TBC1D1: variants seen among roughly 807,000 people sequenced by gnomAD.
TBC1D1 encodes TBC1 domain family member 1.
In TBC1D1, 89 loss-of-function variants were observed where a neutral mutation model predicts 125.6. That is an observed-to-expected ratio of 0.71 (90% CI 0.60 to 0.85). The LOEUF (loss-of-function observed/expected upper bound fraction) is 0.85, where lower values mean the gene tolerates loss of function less well. TBC1D1 is among the 40% of genes least tolerant of loss of function. The pLI is 0.00. For missense variants in TBC1D1, 1,377 were observed against 1,469.2 expected (o/e 0.94, Z 1.03); for synonymous variants, 565 against 564.1 (o/e 1.00, Z -0.02).
At chr4:38,053,704 A>G (rs2152485816) in intron 11 of TBC1D1, among the ~76,000 whole-genome samples, 1 of 152,394 alleles carries the variant, frequency 6.6e-6, no homozygotes, top group East Asian at 1.9e-4. Context: ...CGTTAAAACA[A>G]TTATCATCAT....
intron 2 of TBC1D1, among the ~76,000 whole-genome samples, chr4:37,950,644 T>C (rs978077686): frequency 6.3e-5 from 8 of 125,994 alleles, no homozygotes; most frequent in African/African-American, 2.1e-4. Context: ...TTTGTTACAA[T>C]TGATGAACCA....
intron 2 of TBC1D1, chr4:38,007,127 G>A (rs1004038023): frequency 1.7e-5 from 4 of 238,626 alleles, no homozygotes; most frequent in Admixed American, 1.3e-4. Context: ...CAAGGAACTG[G>A]AGTCCCTGGA....
At chr4:38,128,330 C>G (rs905896828) in intron 18 of TBC1D1, among the ~76,000 whole-genome samples, 15 of 152,186 alleles carry the variant, frequency 9.9e-5, no homozygotes, top group Non-Finnish European at 4.4e-5. Flanking sequence ...TGCTTTCCTA[C>G]TGCCCCCTCC....
intron 14 of TBC1D1, among the ~76,000 whole-genome samples, chr4:38,101,584 G>A (rs1238055376): frequency 6.6e-6 from 1 of 152,156 alleles, no homozygotes. Context: ...TCTGTTTTTA[G>A]AGCTTTGTTG....
chr4:37,916,167 C>G (rs540051357), intron 2 of TBC1D1, among the ~76,000 whole-genome samples: 1 of 152,188 alleles, frequency 6.6e-6, no homozygotes, highest in South Asian at 2.1e-4. Context: ...TCCCCTGACT[C>G]CCATCTCCTA....
intron 2 of TBC1D1, among the ~76,000 whole-genome samples, chr4:37,907,614 G>A (rs962205753): frequency 6.6e-6 from 1 of 152,132 alleles, no homozygotes; most frequent in Admixed American, 6.5e-5. Flanking sequence ...ATAAGGTCCT[G>A]GGTTAAAATG....
chr4:37,933,762 C>T (rs540671027), intron 2 of TBC1D1, among the ~76,000 whole-genome samples: 2 of 152,012 alleles, frequency 1.3e-5, no homozygotes, highest in African/African-American at 2.4e-5. Flanking sequence ...CCGTACTGAT[C>T]GGAATCACCA....
At chr4:37,899,652 C>T (rs1349308841) in intron 1 of TBC1D1, among the ~76,000 whole-genome samples, 1 of 152,178 alleles carries the variant, frequency 6.6e-6, no homozygotes, top group Non-Finnish European at 1.5e-5. Context: ...CAGCTGCTGT[C>T]ATCAGCAGCA....
chr4:37,928,273 T>G (rs1722525648), intron 2 of TBC1D1, among the ~76,000 whole-genome samples: 1 of 152,240 alleles, frequency 6.6e-6, no homozygotes, highest in South Asian at 2.1e-4. Context: ...AGGATGCATT[T>G]TATAATATGG....
chr4:37,930,977 A>G (rs1448208581), intron 2 of TBC1D1, among the ~76,000 whole-genome samples: 1 of 152,232 alleles, frequency 6.6e-6, no homozygotes, highest in Non-Finnish European at 1.5e-5. Flanking sequence ...AGAATGGATT[A>G]GGAGACTTCT....
At chr4:38,076,760 A>G (rs1162822285) in intron 12 of TBC1D1, among the ~76,000 whole-genome samples, 3 of 152,114 alleles carry the variant, frequency 2.0e-5, no homozygotes, top group African/African-American at 7.2e-5. Context: ...TAGTGTTTAC[A>G]GTTTCTCTGC....
chr4:38,072,817 T>A (rs1033264612), intron 12 of TBC1D1, among the ~76,000 whole-genome samples: 5 of 152,242 alleles, frequency 3.3e-5, no homozygotes, highest in Admixed American at 6.5e-5. Flanking sequence ...ACTTTCTGTT[T>A]CTCTGAGTTT....
chr4:38,027,781 T>G lies in TBC1D1; in HGVS notation c.1211-7T>G. 6.2e-7 allele frequency: 1 copy of G among 1,604,340 alleles called. No individual in the cohort carries two copies. Among genetic ancestry groups the G allele is most frequent in the South Asian group, 1.1e-5 (1 of 89,604 alleles). On this transcript the variant is annotated splice_region_variant and splice_polypyrimidine_tract_variant and intron_variant, in intron 6 of 19. Coordinates refer to ENST00000261439, the MANE Select transcript of TBC1D1 (RefSeq NM_015173.4). ...TTTTTTCATGCCTCTCTTTTTTCTC[T>G]TAATAGGAATGAATTCTTCCAAAAC...
At chr4:38,079,439 A>C (rs1756157403) in intron 12 of TBC1D1, among the ~76,000 whole-genome samples, 1 of 152,140 alleles carries the variant, frequency 6.6e-6, no homozygotes, top group African/African-American at 2.4e-5. Context: ...AAACATGGTG[A>C]TATGGCCAGG....
intron 2 of TBC1D1, among the ~76,000 whole-genome samples, chr4:38,012,294 T>G (rs141357196): frequency 0.052 from 7,907 of 152,260 alleles, 268 homozygotes; most frequent in South Asian, 0.089. Flanking sequence ...TGTTGTTGTT[T>G]TTTGTTTTGA....
chr4:38,092,123 G>C (rs1758526405), intron 13 of TBC1D1, among the ~76,000 whole-genome samples: 1 of 152,212 alleles, frequency 6.6e-6, no homozygotes, highest in Non-Finnish European at 1.5e-5. Flanking sequence ...TTTTGTCGGG[G>C]TGGATTGGGG....
intron 15 of TBC1D1, chr4:38,110,042 C>A: frequency 5.4e-6 from 1 of 186,088 alleles, no homozygotes; most frequent in Non-Finnish European, 1.0e-5. Flanking sequence ...ACTTGTTAGT[C>A]AACTGTGCAG....
At position 38,125,237 on chromosome 4, in the gene TBC1D1, G is replaced by A. The variant is rs373604753; in HGVS notation, c.3132+106G>A. 64 of 1,110,416 alleles carry A rather than the reference G, an allele frequency of 5.8e-5. 1 individual carries two copies. Among genetic ancestry groups the A allele is most frequent in the East Asian group, 2.5e-4 (10 of 40,684 alleles). 68.8% of individuals were successfully genotyped at this position (1,110,416 alleles called of 1,614,324 possible). On this transcript the variant is annotated intron_variant, in intron 18 of 19. Coordinates refer to ENST00000261439, the MANE Select transcript of TBC1D1 (RefSeq NM_015173.4). Reference sequence around the variant, plus strand: ...TTTCCTACCACTTTGTGTTCTGAACGGCATTCTGCATGATGCCTGGCATGG... The same window carrying A: ...TTTCCTACCACTTTGTGTTCTGAACAGCATTCTGCATGATGCCTGGCATGG...
chr4:38,012,852 G>GGC (rs1246030653), intron 2 of TBC1D1, among the ~76,000 whole-genome samples: 1 of 152,028 alleles, frequency 6.6e-6, no homozygotes, highest in Non-Finnish European at 1.5e-5. Flanking sequence ...GGAGTGCAGT[G>GGC]GCACAATCTC....
Sources: allele counts gnomAD v4.1 joint callset (sites outside exome capture counted in the v4.1 genomes callset), GRCh38; gene constraint gnomAD v4.1.1; transcripts MANE v1.5; gene names NCBI Gene and HGNC (gene_info 2026-07-23, HGNC 2026-07-21).